SAMD5: variants seen among roughly 807,000 people sequenced by gnomAD.
SAMD5 encodes the protein sterile alpha motif domain containing 5.
In SAMD5, 13 loss-of-function variants were observed where a neutral mutation model predicts 11.3. That is an observed-to-expected ratio of 1.15 (90% confidence interval 0.75 to 1.83). The LOEUF is 1.83. Among genes scored for constraint, SAMD5 ranks in the 40% most tolerant of loss-of-function variants. The pLI is 0.00. For missense variants in SAMD5, 255 were observed against 239.1 expected, an observed-to-expected ratio of 1.07 and a Z score of -0.44; for synonymous variants, 129 against 111.3, an observed-to-expected ratio of 1.16 and a Z score of -1.00.
chr6:147,532,300 C>A (rs1788442153), intron 1 of SAMD5, among the ~76,000 whole-genome samples: 1 of 151,998 alleles, frequency 6.6e-6, no homozygotes, highest in Non-Finnish European at 1.5e-5. Flanking sequence ...CCACCTTCCC[C>A]CACCTCCCTG....
At chr6:147,720,368 C>A (rs947784548) in intron 1 of SAMD5, among the ~76,000 whole-genome samples, 4 of 151,928 alleles carry the variant, frequency 2.6e-5, no homozygotes, top group African/African-American at 9.7e-5. Flanking sequence ...GAGGCTGAGG[C>A]AGGAGAATGG....
At chr6:147,604,048 T>A (rs1259390615) in intron 1 of SAMD5, among the ~76,000 whole-genome samples, 2 of 152,206 alleles carry the variant, frequency 1.3e-5, no homozygotes, top group African/African-American at 4.8e-5. Context: ...TTAAATTTAA[T>A]AACCCTGGTG....
chr6:147,554,865 T>G (rs1788829650), intron 1 of SAMD5, among the ~76,000 whole-genome samples: 1 of 152,184 alleles, frequency 6.6e-6, no homozygotes, highest in African/African-American at 2.4e-5. Flanking sequence ...GAGCAGTAGT[T>G]CTCAAAGTGC....
the SAMD5 span, among the ~76,000 whole-genome samples, chr6:147,790,618 T>C: frequency 6.6e-6 from 1 of 152,112 alleles, no homozygotes; most frequent in Non-Finnish European, 1.5e-5. Context: ...GTGAGGGTGT[T>C]TCCAGAGATT....
chr6:147,762,201 G>A, the SAMD5 span, among the ~76,000 whole-genome samples: 5 of 151,928 alleles, frequency 3.3e-5, no homozygotes, highest in East Asian at 9.7e-4. Flanking sequence ...AGTGGCAAAA[G>A]CAATTATTTT....
At chr6:147,723,087 T>G (rs1201759920) in intron 1 of SAMD5, among the ~76,000 whole-genome samples, 1 of 152,198 alleles carries the variant, frequency 6.6e-6, no homozygotes, top group Admixed American at 6.5e-5. Flanking sequence ...CCTTCACTTG[T>G]TACTAAGTAC....
intron 1 of SAMD5, among the ~76,000 whole-genome samples, chr6:147,647,473 C>T (rs770581993): frequency 2.6e-5 from 4 of 151,910 alleles, no homozygotes; most frequent in Non-Finnish European, 5.9e-5. Flanking sequence ...GGGTTGAGTC[C>T]GAGTTTCAGG....
At chr6:147,938,196 G>T in the SAMD5 span, among the ~76,000 whole-genome samples, 1 of 152,170 alleles carries the variant, frequency 6.6e-6, no homozygotes, top group South Asian at 2.1e-4. Flanking sequence ...TCTATGCTAA[G>T]CAGAGCTTCA....
At chr6:147,929,416 A>G in the SAMD5 span, among the ~76,000 whole-genome samples, 1 of 152,176 alleles carries the variant, frequency 6.6e-6, no homozygotes, top group Non-Finnish European at 1.5e-5. Context: ...TCTCAACCCT[A>G]TCACACCTAA....
In SAMD5 at chr6:147,557,362, T is replaced by C. The variant is rs191031761; in HGVS notation, c.460-7032T>C. Among the ~76,000 whole-genome samples, 628 of 152,356 alleles carry C rather than the reference T, an allele frequency of 4.1e-3. 3 individuals are homozygous for C. The highest frequency in any genetic ancestry group is 0.014 in the African/African-American group (587 of 41,584). ...TTGTAACAAAATAATACCAACTGTG[T>C]GTTAAAACAACAGAAGTTTGTTTTC... is the stretch of plus-strand genomic sequence containing the variant. On this transcript the variant is annotated intron_variant, in intron 1 of 1. Coordinates refer to ENST00000367474, the MANE Select transcript of SAMD5 (RefSeq NM_001030060.3).
rs1789035739 is a variant in SAMD5 at position 147,566,070 on chromosome 6, A to G, written c.*1614A>G. On this transcript the variant is annotated 3_prime_UTR_variant, in exon 2 of 2. Coordinates refer to ENST00000367474, the MANE Select transcript of SAMD5 (RefSeq NM_001030060.3). The stretch of plus-strand genomic sequence containing the variant: ...TAGATAGGCCATTAAGAAGGATATT[A>G]GGTTTCTAAGGACAATTTTAACACA... 3 of 983,040 alleles carry G rather than the reference A, an allele frequency of 3.1e-6. No individual in the cohort carries two copies. Among genetic ancestry groups the G allele is most frequent in the South Asian group, 9.4e-5 (2 of 21,222 alleles). The allele number at this position is 983,040 out of a possible 1,614,324, so 60.9% of individuals were successfully genotyped here.
chr6:147,796,162 A>G, the SAMD5 span, among the ~76,000 whole-genome samples: 1,168 of 150,518 alleles, frequency 7.8e-3, 17 homozygotes, highest in Middle Eastern at 0.041. Flanking sequence ...CCTGAATGGT[A>G]ATGCCTAGGT....
chr6:147,808,211 T>A, the SAMD5 span, among the ~76,000 whole-genome samples: 1 of 152,208 alleles, frequency 6.6e-6, no homozygotes, highest in African/African-American at 2.4e-5. Context: ...CATTTATTAT[T>A]ATTTTTTTAG....
chr6:147,725,649 A>C (rs985684560), intron 1 of SAMD5, among the ~76,000 whole-genome samples: 7 of 152,156 alleles, frequency 4.6e-5, no homozygotes, highest in Non-Finnish European at 1.0e-4. Flanking sequence ...TTGGCCTCCC[A>C]AAGTTCTGGG....
At chr6:147,725,054 G>A (rs545078067) in intron 1 of SAMD5, among the ~76,000 whole-genome samples, 62 of 152,158 alleles carry the variant, frequency 4.1e-4, no homozygotes, top group Non-Finnish European at 5.9e-4. Context: ...TTTCCATCCC[G>A]AGGTTTTATT....
the SAMD5 span, among the ~76,000 whole-genome samples, chr6:147,842,014 T>C: frequency 6.6e-6 from 1 of 152,326 alleles, no homozygotes; most frequent in African/African-American, 2.4e-5. Context: ...ACTAAAATGC[T>C]GTCAAAATAG....
the SAMD5 span, among the ~76,000 whole-genome samples, chr6:147,858,452 C>T: frequency 6.6e-6 from 1 of 152,120 alleles, no homozygotes; most frequent in Non-Finnish European, 1.5e-5. Flanking sequence ...AGTTTAGGGC[C>T]ACTGGAGGCA....
At chr6:147,884,638 T>A in the SAMD5 span, among the ~76,000 whole-genome samples, 1 of 118,158 alleles carries the variant, frequency 8.5e-6, no homozygotes, top group Non-Finnish European at 1.7e-5. Context: ...AGATAGATTT[T>A]AAAAAACTTT....
the SAMD5 span, among the ~76,000 whole-genome samples, chr6:147,838,178 C>T: frequency 6.6e-6 from 1 of 152,126 alleles, no homozygotes. Flanking sequence ...AAGCCCTACA[C>T]TCATAAATTT....
Sources: allele counts gnomAD v4.1 joint callset (sites outside exome capture counted in the v4.1 genomes callset), GRCh38; gene constraint gnomAD v4.1.1; transcripts MANE v1.5; gene names NCBI Gene and HGNC (gene_info 2026-07-23, HGNC 2026-07-21).